MYOF: variants seen among roughly 807,000 people sequenced by gnomAD.
The protein encoded by MYOF is fer-1-like 3, myoferlin.
A neutral mutation model predicts 284.2 loss-of-function variants in MYOF; 244 were observed. The observed-to-expected ratio is 0.86, with a 90% CI of 0.77 to 0.95. MYOF has a LOEUF of 0.95. Ranked by LOEUF, MYOF falls within the 40% of genes least tolerant of loss-of-function variation. The probability of loss-of-function intolerance (pLI) is 0.00; values close to 1 mark genes in which losing one functional copy is unlikely to be tolerated. For missense variants in MYOF, 2,496 were observed against 2,560.6 expected (o/e 0.97, Z 0.54); for synonymous variants, 904 against 919.7 (o/e 0.98, Z 0.31).
At chr10:93,364,525 A>C (rs1331844377) in intron 26 of MYOF, among the ~76,000 whole-genome samples, 3 of 152,154 alleles carry the variant, frequency 2.0e-5, no homozygotes, top group Non-Finnish European at 4.4e-5. Flanking sequence ...TCATGAAGCC[A>C]CATGTGGCTT....
rs982724325 is a variant in MYOF, at chr10:93,355,628, T to C, written c.3403A>G (p.Arg1135Gly). ...AAATCAAAAATAAAACAAAACTCAC[T>C]GTCAAAATTGCAGGAAACAATGGGG... is the stretch of plus-strand genomic sequence containing the variant. ...NTPIVSCNFD[R>G]VYIYHLRCYV... is the part of the protein sequence containing the mutation. The change falls in exon 31 of 54, where the codon AGA becomes GGA. Residue 1135 changes from arginine (R) to glycine (G), a missense_variant and splice_region_variant. Transcript: ENST00000359263. 3.8e-6 allele frequency: 6 copies of C among 1,597,816 alleles called. No homozygotes were observed. Among genetic ancestry groups the C allele is most frequent in the Non-Finnish European group, 4.3e-6 (5 of 1,169,556 alleles).
Position 93,381,351 on chromosome 10 carries a change from A to C in MYOF, c.1744T>G (p.Ser582Ala). The C allele has an allele frequency of 6.2e-7, 1 of 1,614,224 alleles. No individual in the cohort carries two copies. ...CCAACATCTTGCAACATGGTGGCTG[A>C]ATGAAACACGGCAGACAGGCTGTAC... ...RKYSLSAVFHSATMLQDVGEA... is the reference protein window; with the variant it reads ...RKYSLSAVFHAATMLQDVGEA... The change falls in exon 20 of 54, where the codon TCA becomes GCA. Residue 582 changes from serine (S) to alanine (A), a missense_variant. Physicochemically the swap from Ser to Ala is moderately conservative, Grantham distance 99. Around this residue, in one of 3 missense-constraint regions of MYOF, gnomAD observed 2,436 missense variants for 2,480.7 expected, o/e 0.98. Coordinates refer to ENST00000359263, the MANE Select transcript of MYOF (RefSeq NM_013451.4).
At chr10:93,427,574 TA>T (rs1178149216) in intron 4 of MYOF, among the ~76,000 whole-genome samples, 1 of 139,980 alleles carries the variant, frequency 7.1e-6, no homozygotes, top group Non-Finnish European at 1.6e-5. Flanking sequence ...AACATGTATA[TA>T]AAGTTGTGAT....
intron 1 of MYOF, among the ~76,000 whole-genome samples, chr10:93,467,025 T>C (rs1216303513): frequency 2.0e-5 from 3 of 151,928 alleles, no homozygotes; most frequent in Admixed American, 6.6e-5. Flanking sequence ...ATAGGAGATA[T>C]GAGTATGCTC....
intron 19 of MYOF, among the ~76,000 whole-genome samples, chr10:93,387,358 G>T (rs967108832): frequency 5.3e-5 from 8 of 152,226 alleles, no homozygotes; most frequent in Non-Finnish European, 1.0e-4. Flanking sequence ...GAAATGGTTG[G>T]GGAAGTCAAC....
chr10:93,395,436 C>T (rs1158266059), intron 16 of MYOF, among the ~76,000 whole-genome samples: 1 of 152,168 alleles, frequency 6.6e-6, no homozygotes, highest in Non-Finnish European at 1.5e-5. Context: ...GAGCGAGACT[C>T]TATCTCAAAA....
intron 6 of MYOF, 38 bp from the exon 7 acceptor site, chr10:93,408,953 C>A: frequency 1.9e-6 from 3 of 1,612,390 alleles, no homozygotes; most frequent in Non-Finnish European, 2.5e-6. Context: ...CAACCTTTCC[C>A]AGCACGTGGG....
At chr10:93,475,257 A>G (rs2057234345) in intron 1 of MYOF, among the ~76,000 whole-genome samples, 1 of 152,210 alleles carries the variant, frequency 6.6e-6, no homozygotes, top group Non-Finnish European at 1.5e-5. Flanking sequence ...CCAGTGCAAC[A>G]GAACAGCTGT....
chr10:93,379,817 T>C (rs768751954), intron 21 of MYOF, 46 bp downstream of exon 21: 8 of 1,609,186 alleles, frequency 5.0e-6, no homozygotes, highest in Non-Finnish European at 6.8e-6. Flanking sequence ...TAATACCTAA[T>C]TCACCCTGCT....
intron 4 of MYOF, among the ~76,000 whole-genome samples, chr10:93,427,217 C>CA (rs78503109): frequency 0.046 from 6,574 of 142,912 alleles, 522 homozygotes; most frequent in African/African-American, 0.15. Flanking sequence ...CAAAACAAAA[C>CA]AAAAAAAAAC....
At chr10:93,444,722 C>G (rs539809163) in intron 3 of MYOF, among the ~76,000 whole-genome samples, 2 of 152,392 alleles carry the variant, frequency 1.3e-5, no homozygotes, top group Non-Finnish European at 2.9e-5. Flanking sequence ...CGCAGTACCT[C>G]TTTTTTCTCC....
chr10:93,396,105 G>A (rs1846994719), intron 16 of MYOF, 37 bp downstream of exon 16: 3 of 1,491,782 alleles, frequency 2.0e-6, no homozygotes, highest in Non-Finnish European at 1.8e-6. Context: ...GAAAAGTTCT[G>A]TATCCAGTCT....
chr10:93,351,609 C>G (rs370907102), intron 33 of MYOF, 38 bp from the exon 34 acceptor site: 2 of 1,610,102 alleles, frequency 1.2e-6, no homozygotes, highest in Non-Finnish European at 1.7e-6. Context: ...CCCCGACAAT[C>G]ATCCCTTCAA....
intron 24 of MYOF, among the ~76,000 whole-genome samples, chr10:93,371,269 CT>C (rs1035042735): frequency 6.6e-6 from 1 of 152,252 alleles, no homozygotes. Flanking sequence ...TGCAATTAAC[CT>C]TTTAAAAGCT....
intron 7 of MYOF, among the ~76,000 whole-genome samples, chr10:93,404,521 A>G (rs536892328): frequency 6.6e-6 from 1 of 152,270 alleles, no homozygotes; most frequent in East Asian, 1.9e-4. Context: ...GTAAAGATCC[A>G]AAGCTAAGCA....
chr10:93,308,451 G>T (rs1357671848), intron 53 of MYOF, among the ~76,000 whole-genome samples: 1 of 150,672 alleles, frequency 6.6e-6, no homozygotes, highest in Non-Finnish European at 1.5e-5. Flanking sequence ...AGGGTGTGGT[G>T]GCAGGCACCT....
chr10:93,348,697 G>A (rs533075766), intron 36 of MYOF, among the ~76,000 whole-genome samples: 1 of 152,166 alleles, frequency 6.6e-6, no homozygotes, highest in South Asian at 2.1e-4. Context: ...TGGGCATTGG[G>A]GTTGTAAGGA....
chr10:93,397,499 A>G, intron 13 of MYOF, 43 bp from the exon 14 acceptor site: 2 of 1,497,636 alleles, frequency 1.3e-6, no homozygotes, highest in Non-Finnish European at 1.8e-6. Context: ...TCAAGTTTCT[A>G]ATTTCTAAAA....
At chr10:93,452,475 T>A (rs1156944605) in intron 2 of MYOF, among the ~76,000 whole-genome samples, 2 of 146,448 alleles carry the variant, frequency 1.4e-5, no homozygotes, top group Non-Finnish European at 3.0e-5. Flanking sequence ...TGCAGGGTGT[T>A]GTTCTCACTC....
Sources: gnomAD v4.1 joint callset for allele counts (sites outside exome capture counted in the v4.1 genomes callset) on GRCh38, gnomAD v4.1.1 for gene constraint, gnomAD v4.1.1 regional missense constraint, MANE v1.5 for transcripts, NCBI Gene and HGNC (gene_info 2026-07-23, HGNC 2026-07-21) for gene names.